The following ITGB5 variants were observed in gnomAD, a reference collection of about 807,000 sequenced individuals.
ITGB5 encodes integrin beta-5.
In ITGB5, 38 loss-of-function variants were observed where a neutral mutation model predicts 84.8. The observed-to-expected ratio is 0.45, with a 90% CI of 0.35 to 0.59. The LOEUF (loss-of-function observed/expected upper bound fraction) is 0.59. ITGB5 is among the 20% of genes least tolerant of loss of function. The pLI is 0.01. For missense variants in ITGB5, 905 were observed against 1,034.5 expected (o/e 0.87, Z 1.72); for synonymous variants, 393 against 414.4 (o/e 0.95, Z 0.63).
chr3:124,810,422 G>C (rs1579233137), intron 8 of ITGB5, among the ~76,000 whole-genome samples: 1 of 152,096 alleles, frequency 6.6e-6, no homozygotes, highest in East Asian at 1.9e-4. Context: ...TTTGTGAAAA[G>C]TGTGTGAAAT....
chr3:124,869,033 A>G (rs1322575197), intron 2 of ITGB5, among the ~76,000 whole-genome samples: 1 of 152,280 alleles, frequency 6.6e-6, no homozygotes, highest in Non-Finnish European at 1.5e-5. Flanking sequence ...AGGAATCCTC[A>G]TGCCCACTTC....
At chr3:124,856,745 T>A (rs1237609778) in intron 3 of ITGB5, among the ~76,000 whole-genome samples, 1 of 152,224 alleles carries the variant, frequency 6.6e-6, no homozygotes, top group Admixed American at 6.5e-5. Flanking sequence ...TGTTCCAACA[T>A]ATTAAGGGTC....
chr3:124,766,076 A>G, intron 13 of ITGB5, 150 bp downstream of exon 13: 1 of 758,296 alleles, frequency 1.3e-6, no homozygotes, highest in East Asian at 2.8e-5. Flanking sequence ...AAAAAAAAAA[A>G]GAAAAAGAAG....
chr3:124,825,483 C>T (rs1420006026), intron 5 of ITGB5, among the ~76,000 whole-genome samples: 1 of 152,186 alleles, frequency 6.6e-6, no homozygotes, highest in African/African-American at 2.4e-5. Flanking sequence ...CATCATAATA[C>T]ATCCATACAA....
chr3:124,819,064 C>T (rs181379540), intron 7 of ITGB5, among the ~76,000 whole-genome samples: 2 of 152,262 alleles, frequency 1.3e-5, no homozygotes, highest in East Asian at 1.9e-4. Context: ...AGAAGGAGCA[C>T]GTTCATGTGG....
intron 1 of ITGB5, among the ~76,000 whole-genome samples, chr3:124,876,774 T>C (rs1341904349): frequency 6.6e-6 from 1 of 152,132 alleles, no homozygotes; most frequent in Non-Finnish European, 1.5e-5. Context: ...CTGAGGCTGC[T>C]GGGACCCACC....
At chr3:124,807,488 T>C (rs575302715) in intron 9 of ITGB5, among the ~76,000 whole-genome samples, 1 of 152,330 alleles carries the variant, frequency 6.6e-6, no homozygotes, top group South Asian at 2.1e-4. Flanking sequence ...AGGCCTTCTT[T>C]CAATCTTGTT....
intron 11 of ITGB5, among the ~76,000 whole-genome samples, chr3:124,771,748 C>CAAAAAAAAAA (rs59189728): frequency 1.4e-4 from 10 of 69,184 alleles, no homozygotes; most frequent in African/African-American, 3.7e-4. Context: ...GACCCTGTCT[C>CAAAAAAAAAA]AAAAAAAAAA....
At chr3:124,786,387 G>T (rs926362345) in intron 10 of ITGB5, among the ~76,000 whole-genome samples, 4 of 151,768 alleles carry the variant, frequency 2.6e-5, no homozygotes, top group Non-Finnish European at 4.4e-5. Context: ...TAGTCAACAG[G>T]GCAAGACCCT....
At chr3:124,856,069 A>G (rs1333748891) in intron 3 of ITGB5, among the ~76,000 whole-genome samples, 1 of 152,040 alleles carries the variant, frequency 6.6e-6, no homozygotes, top group Non-Finnish European at 1.5e-5. Context: ...TCTCCCCCAT[A>G]GCAACGGGGT....
chr3:124,809,438 T>C, intron 8 of ITGB5: 1 of 340,796 alleles, frequency 2.9e-6, no homozygotes, highest in African/African-American at 2.1e-5. Flanking sequence ...AAACGGGTTA[T>C]GCCCCATCCC....
intron 2 of ITGB5, among the ~76,000 whole-genome samples, chr3:124,873,170 T>A (rs1265645): frequency 6.6e-6 from 1 of 152,110 alleles, no homozygotes; most frequent in South Asian, 2.1e-4. Flanking sequence ...CAGAAAACTA[T>A]AGATGAATCC....
chr3:124,866,654 A>G (rs919557582), intron 2 of ITGB5, among the ~76,000 whole-genome samples: 8 of 152,230 alleles, frequency 5.3e-5, no homozygotes, highest in African/African-American at 1.7e-4. Context: ...AGAAGTGGAC[A>G]CAGGCGGGGA....
chr3:124,808,363 G>A (rs989363073), intron 9 of ITGB5, among the ~76,000 whole-genome samples: 6 of 152,208 alleles, frequency 3.9e-5, no homozygotes, highest in East Asian at 1.9e-4. Context: ...AGGACCTCCA[G>A]AAGATGTGTG....
At chr3:124,844,181 C>A (rs1187959073) in intron 4 of ITGB5, among the ~76,000 whole-genome samples, 6 of 130,476 alleles carry the variant, frequency 4.6e-5, no homozygotes, top group South Asian at 4.8e-4. Flanking sequence ...AATGAATGGA[C>A]CTTTCAGAAG....
intron 10 of ITGB5, among the ~76,000 whole-genome samples, chr3:124,793,473 T>G (rs1208888671): frequency 1.3e-5 from 2 of 152,230 alleles, no homozygotes; most frequent in Non-Finnish European, 2.9e-5. Context: ...GCCTGGGGAC[T>G]GTCTGGGGGA....
chr3:124,803,897 T>C lies in ITGB5; in HGVS notation c.1263+5125A>G, dbSNP rs368742449. On this transcript the variant is annotated intron_variant, in intron 9 of 14. Transcript: ENST00000296181. ...ATTTTCATGTCGACACTTCAGGCTA[T>C]GTACCTGTATGCTTTGTGCCTCAGT... 6.5e-3 allele frequency among the ~76,000 whole-genome samples: 990 copies of C among 152,352 alleles called. 17 individuals carry two copies. Among genetic ancestry groups the C allele is most frequent in the South Asian group, 0.035 (170 of 4,822 alleles).
chr3:124,839,925 G>GGA (rs1291616250), intron 5 of ITGB5, among the ~76,000 whole-genome samples: 1 of 152,242 alleles, frequency 6.6e-6, no homozygotes, highest in Non-Finnish European at 1.5e-5. Context: ...TTCTTCTCCA[G>GGA]GAGGGGCCCA....
At position 124,873,432 on chromosome 3, in the gene ITGB5, C is replaced by T; in HGVS notation, c.156+14G>A. On this transcript the variant is annotated intron_variant, in intron 2 of 14. Transcript: ENST00000296181. ...CATTCCTTCCCTTCTTCCTCCCCTC[C>T]CCCACCTACATACCTCTTTGGAGCA... 1.3e-6 allele frequency: 2 copies of T among 1,590,942 alleles called. No homozygotes were observed. The highest frequency in any genetic ancestry group is 1.7e-6 in the Non-Finnish European group (2 of 1,158,910).
Sources: allele counts gnomAD v4.1 joint callset (sites outside exome capture counted in the v4.1 genomes callset), GRCh38; gene constraint gnomAD v4.1.1; transcripts MANE v1.5; gene names NCBI Gene and HGNC (gene_info 2026-07-23, HGNC 2026-07-21).